Variants in ATP9A observed in about 807,000 individuals in gnomAD.
ATP9A encodes ATPase phospholipid transporting 9A.
Under a neutral mutation model 144.1 loss-of-function variants are expected in ATP9A, and 52 were observed. That is an observed-to-expected ratio of 0.36 (90% CI 0.29 to 0.45). ATP9A has a LOEUF of 0.45. Ranked by LOEUF, ATP9A falls within the 20% of genes least tolerant of loss-of-function variation. The probability of loss-of-function intolerance (pLI) is 1.00; values close to 1 mark genes in which losing one functional copy is unlikely to be tolerated. For missense variants in ATP9A, 947 were observed against 1,392.7 expected (o/e 0.68, Z 5.09); for synonymous variants, 582 against 557.4 (o/e 1.04, Z -0.62).
chr20:51,740,617 G>C (rs1204432615), intron 1 of ATP9A, among the ~76,000 whole-genome samples: 1 of 102,964 alleles, frequency 9.7e-6, no homozygotes, highest in African/African-American at 3.7e-5. Context: ...ACCCAGGCAG[G>C]ACTGTGGTGG....
chr20:51,617,310 G>A (rs546248218), intron 22 of ATP9A, among the ~76,000 whole-genome samples, 180 bp downstream of exon 22: 105 of 152,268 alleles, frequency 6.9e-4, no homozygotes, highest in Admixed American at 1.9e-3. Context: ...TCATCTGTCT[G>A]TAAGATGTAG....
chr20:51,601,539 A>G (rs2077143120), intron 27 of ATP9A, among the ~76,000 whole-genome samples, 192 bp from the exon 28 acceptor site: 1 of 152,204 alleles, frequency 6.6e-6, no homozygotes, highest in Non-Finnish European at 1.5e-5. Context: ...ACAGCGCCGC[A>G]GCTTGATTTT....
intron 19 of ATP9A, 110 bp downstream of exon 19, chr20:51,621,964 G>C: frequency 1.1e-6 from 1 of 926,210 alleles, no homozygotes; most frequent in Non-Finnish European, 1.7e-6. Flanking sequence ...CCCCACCCTA[G>C]GTAATTCACA....
chr20:51,697,420 T>C lies in ATP9A; in HGVS notation c.495+4A>G. 2 of 1,612,924 alleles carry C rather than the reference T, an allele frequency of 1.2e-6. No homozygotes were observed. Among genetic ancestry groups the C allele is most frequent in the Non-Finnish European group, 8.5e-7 (1 of 1,179,472 alleles). ...CCACACACAAGCTTCCAGATTCTGC[T>C]CACCTTTTCAACGATGATAAGGTCT... On this transcript the variant is annotated splice_donor_region_variant and intron_variant, in intron 5 of 27. Transcript: ENST00000338821.
rs535988522 is a variant in ATP9A, at chr20:51,600,103, C to T, written c.*1108G>A. 6 of 152,290 alleles carry T rather than the reference C, an allele frequency of 3.9e-5. No homozygotes were observed. The highest frequency in any genetic ancestry group is 7.3e-5 in the Non-Finnish European group (5 of 68,030). 9.4% of individuals were successfully genotyped at this position (152,290 alleles called of 1,614,324 possible). A position where few individuals can be genotyped will look rare whatever the true frequency, so the allele number is the denominator to read the frequency against. ...CAGTGGAACAGATCCCAGATCCCAA[C>T]GCTGTAGCTTGGGCGTCCTCCCACC... is the stretch of plus-strand genomic sequence containing the variant. On this transcript the variant is annotated 3_prime_UTR_variant, in exon 28 of 28. Transcript: ENST00000338821.
intron 11 of ATP9A, 73 bp from the exon 12 acceptor site, chr20:51,671,330 A>T: frequency 6.5e-7 from 1 of 1,531,588 alleles, no homozygotes; most frequent in Non-Finnish European, 9.0e-7. Context: ...AAAAACATGG[A>T]CTCTAAACAC....
chr20:51,635,371 T>TGAGCCAGAGGACC (rs1487465115), intron 15 of ATP9A, among the ~76,000 whole-genome samples: 4 of 152,122 alleles, frequency 2.6e-5, no homozygotes, highest in African/African-American at 9.7e-5. Context: ...TGAGAGACCC[T>TGAGCCAGAGGACC]GAGCCAGAGG....
intron 4 of ATP9A, among the ~76,000 whole-genome samples, chr20:51,706,759 G>A (rs1286301813): frequency 6.6e-6 from 1 of 152,192 alleles, no homozygotes; most frequent in Non-Finnish European, 1.5e-5. Context: ...CAAAAATAAA[G>A]AACGAAAAGA....
chr20:51,680,636 A>G lies in ATP9A; in HGVS notation c.800-4428T>C, dbSNP rs548529352. 2.0e-5 allele frequency among the ~76,000 whole-genome samples: 3 copies of G among 152,146 alleles called. No individual in the cohort carries two copies. The East Asian group carries it at 5.8e-4, about 29-fold the overall frequency. On this transcript the variant is annotated intron_variant, in intron 9 of 27. Transcript: ENST00000338821. The stretch of plus-strand genomic sequence containing the variant: ...CTTTTTTATTTTTTTTCAACTTCCA[A>G]CAGATAATAGCAGACCTGTTAACCG...
intron 3 of ATP9A, among the ~76,000 whole-genome samples, chr20:51,724,371 T>C (rs1346997190): frequency 6.6e-6 from 1 of 152,186 alleles, no homozygotes; most frequent in Non-Finnish European, 1.5e-5. Flanking sequence ...TCAAATGCTC[T>C]AAGCACATGC....
At chr20:51,708,365 A>G (rs939766787) in intron 4 of ATP9A, among the ~76,000 whole-genome samples, 54 of 152,268 alleles carry the variant, frequency 3.5e-4, no homozygotes, top group African/African-American at 1.2e-3. Context: ...AAACAAAGCA[A>G]CAACAATAAA....
chr20:51,745,456 C>A (rs114820658), intron 1 of ATP9A, among the ~76,000 whole-genome samples: 1 of 151,608 alleles, frequency 6.6e-6, no homozygotes, highest in South Asian at 2.1e-4. Flanking sequence ...AATTAAAAGC[C>A]GTTATGAATT....
chr20:51,627,564 C>G (rs1568791997), intron 17 of ATP9A, 36 bp downstream of exon 17: 2 of 1,582,594 alleles, frequency 1.3e-6, no homozygotes, highest in Non-Finnish European at 1.7e-6. Flanking sequence ...GCAGGTGGGG[C>G]TGCAAAGGCA....
intron 1 of ATP9A, among the ~76,000 whole-genome samples, chr20:51,766,544 T>C (rs1383074241): frequency 1.3e-5 from 2 of 152,136 alleles, no homozygotes; most frequent in African/African-American, 2.4e-5. Flanking sequence ...TCAATTGTCA[T>C]CATTAAAACG....
At chr20:51,716,233 G>A in intron 3 of ATP9A, among the ~76,000 whole-genome samples, 1 of 152,124 alleles carries the variant, frequency 6.6e-6, no homozygotes, top group Middle Eastern at 3.2e-3. Context: ...ATCATATAAT[G>A]TTACAGATTA....
intron 2 of ATP9A, among the ~76,000 whole-genome samples, chr20:51,727,928 C>A (rs548452248): frequency 0.033 from 578 of 17,732 alleles, 4 homozygotes; most frequent in African/African-American, 0.14. Flanking sequence ...GAGACTCAGT[C>A]TCAAAAAAAA....
At chr20:51,699,071 G>T (rs1230146918) in intron 4 of ATP9A, among the ~76,000 whole-genome samples, 1 of 152,156 alleles carries the variant, frequency 6.6e-6, no homozygotes, top group Non-Finnish European at 1.5e-5. Flanking sequence ...GGGCACCACA[G>T]TGGCTCACGT....
intron 14 of ATP9A, among the ~76,000 whole-genome samples, chr20:51,652,201 G>A (rs367772835): frequency 5.2e-4 from 79 of 152,318 alleles, no homozygotes; most frequent in African/African-American, 1.9e-3. Flanking sequence ...CCGCTCCTCC[G>A]GGTCCGACTG....
intron 1 of ATP9A, among the ~76,000 whole-genome samples, chr20:51,755,456 T>C (rs1036960220): frequency 1.3e-5 from 2 of 151,910 alleles, no homozygotes; most frequent in Non-Finnish European, 2.9e-5. Flanking sequence ...AAAAAATTTC[T>C]TATAATACCA....
Sources: allele counts gnomAD v4.1 joint callset (sites outside exome capture counted in the v4.1 genomes callset), GRCh38; gene constraint gnomAD v4.1.1; transcripts MANE v1.5; gene names NCBI Gene and HGNC (gene_info 2026-07-23, HGNC 2026-07-21).